RPL6: variants seen among roughly 807,000 people sequenced by gnomAD.
RPL6 encodes the protein ribosomal protein L6, also known as large ribosomal subunit protein eL6.
RPL6 carries 1 observed loss-of-function variant against 32.1 expected under a neutral mutation model. The observed-to-expected ratio is 0.03, with a 90% CI of 0.01 to 0.15. RPL6 has a LOEUF of 0.15. Among genes scored for constraint, RPL6 ranks in the 10% least tolerant of loss-of-function variants. The pLI, the probability that RPL6 is intolerant of heterozygous loss-of-function variation, is 1.00. For missense variants in RPL6, 275 were observed against 354.6 expected (o/e 0.78, Z 1.80); for synonymous variants, 126 against 131.6 (o/e 0.96, Z 0.29).
intron 6 of RPL6, 128 bp downstream of exon 6, chr12:112,405,725 T>C: frequency 1.3e-6 from 1 of 789,568 alleles, no homozygotes; most frequent in Non-Finnish European, 2.0e-6. Context: ...GAATCTGGAA[T>C]ACTAAGTATC....
At chr12:112,417,957 C>T (rs2037441422) in intron 1 of RPL6, among the ~76,000 whole-genome samples, 2 of 151,986 alleles carry the variant, frequency 1.3e-5, no homozygotes, top group South Asian at 4.1e-4. Flanking sequence ...GCCACCGCTC[C>T]CACCCCAAAG....
At chr12:112,417,602 G>A (rs1010866173) in intron 1 of RPL6, among the ~76,000 whole-genome samples, 32 of 103,348 alleles carry the variant, frequency 3.1e-4, no homozygotes, top group African/African-American at 1.2e-3. Flanking sequence ...AGACATGGTC[G>A]CACCATGTTG....
At chr12:112,414,728 C>A (rs2037382645), upstream of RPL6, among the ~76,000 whole-genome samples, 1 of 151,898 alleles carries the variant, frequency 6.6e-6, no homozygotes, top group South Asian at 2.1e-4. Flanking sequence ...GCGGTGAAAC[C>A]CTGTCTCTAC....
intron 1 of RPL6, among the ~76,000 whole-genome samples, chr12:112,415,884 T>C: frequency 6.6e-6 from 1 of 151,076 alleles, no homozygotes; most frequent in Non-Finnish European, 1.5e-5. Flanking sequence ...TTTTTTTTTT[T>C]TTTTTGGACT....
In RPL6 at chr12:112,405,620, A is replaced by G. The variant is rs897619176; in HGVS notation, c.714+233T>C. On this transcript the variant is annotated intron_variant, in intron 6 of 6. Coordinates refer to ENST00000202773, the MANE Select transcript of RPL6 (RefSeq NM_000970.6). ...AAGGATAAGTAAGGGCACATTCCCA[A>G]TACGATGGTAGCAGTTAATTCCCAC... is the stretch of plus-strand genomic sequence containing the variant. The G allele has an allele frequency of 7.4e-5, 45 of 608,522 alleles. No individual in the cohort carries two copies. The African/African-American group carries it at 8.3e-4, about 11-fold the overall frequency. The allele number at this position is 608,522 out of a possible 1,614,324, so 37.7% of individuals were successfully genotyped here. A position where few individuals can be genotyped will look rare whatever the true frequency, so the allele number is the denominator to read the frequency against.
intron 1 of RPL6, 154 bp downstream of exon 1, chr12:112,409,433 C>G (rs1364514422): frequency 2.5e-6 from 1 of 398,576 alleles, no homozygotes; most frequent in East Asian, 3.6e-5. Context: ...CTGCCGCAAA[C>G]CCAAACAACA....
chr12:112,417,441 T>C (rs1198777806), intron 1 of RPL6, among the ~76,000 whole-genome samples: 2 of 152,026 alleles, frequency 1.3e-5, no homozygotes, highest in African/African-American at 4.8e-5. Flanking sequence ...CTACCATTAT[T>C]CCCAGACCAG....
In RPL6 at chr12:112,408,314, C is replaced by T. The variant is rs1282766998; in HGVS notation, c.262G>A (p.Val88Ile). 1.2e-6 allele frequency: 2 copies of T among 1,614,066 alleles called. No homozygotes were observed. The highest frequency in any genetic ancestry group is 2.7e-5 in the African/African-American group (2 of 74,906). ...ACTGGTTTTGTAACAGTTGCGAGAA[C>T]CTTCTCCTTCTTTTTCTTTTCAACC... ...SKVEKKKKEK[V>I]LATVTKPVGG... The change falls in exon 3 of 7, where the codon GTT (valine) becomes ATT (isoleucine). Residue 88 changes from valine to isoleucine, a missense_variant. Val to Ile is a conservative substitution (Grantham distance 29). Coordinates refer to ENST00000202773, the MANE Select transcript of RPL6 (RefSeq NM_000970.6).
chr12:112,413,308 A>G (rs965747475), upstream of RPL6, among the ~76,000 whole-genome samples: 42 of 152,296 alleles, frequency 2.8e-4, no homozygotes, highest in African/African-American at 9.4e-4. Context: ...AAGCCAAGGC[A>G]GGTGGATCAC....
intron 6 of RPL6, 107 bp downstream of exon 6, chr12:112,405,746 C>T (rs2037142127): frequency 4.4e-6 from 4 of 910,916 alleles, no homozygotes; most frequent in South Asian, 1.8e-5. Flanking sequence ...TCCCAGCATT[C>T]CTCATTATTT....
intron 3 of RPL6, chr12:112,407,306 A>G: frequency 6.2e-6 from 1 of 160,332 alleles, no homozygotes. Flanking sequence ...CTCCCACTTC[A>G]TCCACAAAGG....
upstream of RPL6, among the ~76,000 whole-genome samples, chr12:112,415,250 C>CAG (rs35718873): frequency 0.23 from 34,741 of 151,778 alleles, 6,474 homozygotes; most frequent in East Asian, 0.85. Flanking sequence ...AGTGGGGAGA[C>CAG]GGGGTGGTGA....
chr12:112,417,751 A>G (rs2037436231), intron 1 of RPL6, among the ~76,000 whole-genome samples: 1 of 146,782 alleles, frequency 6.8e-6, no homozygotes, highest in Non-Finnish European at 1.5e-5. Flanking sequence ...TCGACCTTCC[A>G]GGCTCAAGCA....
At chr12:112,415,956 GTTTTTT>G (rs772887157) in intron 1 of RPL6, among the ~76,000 whole-genome samples, 2 of 117,066 alleles carry the variant, frequency 1.7e-5, no homozygotes, top group Non-Finnish European at 3.4e-5. Flanking sequence ...TAGTTTTGCA[GTTTTTT>G]TTTTTTTTTT....
chr12:112,415,379 G>T (rs1392042963), intron 1 of RPL6, among the ~76,000 whole-genome samples: 1 of 152,152 alleles, frequency 6.6e-6, no homozygotes, highest in Non-Finnish European at 1.5e-5. Flanking sequence ...GGCCAGCCTG[G>T]GCAACATAGC....
At chr12:112,410,686 G>A (rs1363699952), upstream of RPL6, among the ~76,000 whole-genome samples, 1 of 143,346 alleles carries the variant, frequency 7.0e-6, no homozygotes, top group Non-Finnish European at 1.5e-5. Flanking sequence ...TGATTCTCCT[G>A]CCTCAGCCTC....
rs766956794 is a variant in RPL6 at position 112,405,356 on chromosome 12, C to T, written c.735G>A (p.Gln245=). 6 of 1,605,366 alleles carry T rather than the reference C, an allele frequency of 3.7e-6. No individual in the cohort carries two copies. Among genetic ancestry groups the T allele is most frequent in the African/African-American group, 2.7e-5 (2 of 74,238 alleles). ...TEKEKYEITE[Q]RKIDQKAVDS... Reference sequence around the variant, plus strand: ...CCACAGCTTTCTGATCAATCTTGCGCTGCTCCGTAATCTCATATTTCTAAA... The same window carrying T: ...CCACAGCTTTCTGATCAATCTTGCGTTGCTCCGTAATCTCATATTTCTAAA... The change falls in exon 7 of 7, where the codon CAG becomes CAA. Residue 245 remains glutamine, a synonymous_variant. Coordinates refer to ENST00000202773, the MANE Select transcript of RPL6 (RefSeq NM_000970.6).
rs139317726 is a variant in RPL6 at position 112,409,603 on chromosome 12, G to C, written c.-17C>G. On this transcript the variant is annotated 5_prime_UTR_variant, in exon 1 of 7. Transcript: ENST00000202773. ...GATTCTTACCTTGCAAGATGGGAAAGAGAATTAAGGTCCCGGCTTCCGGTC... is the reference window on the plus strand; with the variant it reads ...GATTCTTACCTTGCAAGATGGGAAACAGAATTAAGGTCCCGGCTTCCGGTC... 2 of 398,268 alleles carry C rather than the reference G, an allele frequency of 5.0e-6. No individual in the cohort carries two copies. The highest frequency in any genetic ancestry group is 4.1e-5 in the African/African-American group (2 of 48,624). 24.7% of individuals were successfully genotyped at this position (398,268 alleles called of 1,614,324 possible).
At chr12:112,417,557 C>CG (rs2037430416) in intron 1 of RPL6, among the ~76,000 whole-genome samples, 1 of 138,254 alleles carries the variant, frequency 7.2e-6, no homozygotes, top group Non-Finnish European at 1.5e-5. Context: ...CCACCCGGCC[C>CG]GGCTTTTTTT....
Sources: allele counts gnomAD v4.1 joint callset (sites outside exome capture counted in the v4.1 genomes callset), GRCh38; gene constraint gnomAD v4.1.1; transcripts MANE v1.5; gene names NCBI Gene and HGNC (gene_info 2026-07-23, HGNC 2026-07-21).